The following CMTM8 variants were observed in gnomAD, a reference collection of about 807,000 sequenced individuals.
CMTM8 encodes the protein CKLF-like MARVEL transmembrane domain-containing protein 8.
In CMTM8, 12 loss-of-function variants were observed where a neutral mutation model predicts 18.6. The ratio of observed to expected loss-of-function variants is 0.65; its 90% CI spans 0.41 to 1.05. CMTM8 has a LOEUF of 1.05. CMTM8 is among the 50% of genes least tolerant of loss of function. The pLI is 0.00. For synonymous variants in CMTM8, 87 were observed against 90.6 expected (o/e 0.96, Z 0.23); for missense variants, 217 against 227.2 (o/e 0.95, Z 0.29).
chr3:32,311,009 T>C (rs1695809701), intron 1 of CMTM8, among the ~76,000 whole-genome samples: 1 of 152,208 alleles, frequency 6.6e-6, no homozygotes, highest in African/African-American at 2.4e-5. Context: ...TAGCCAACAA[T>C]ACTGCACAGC....
intron 1 of CMTM8, among the ~76,000 whole-genome samples, chr3:32,260,882 T>A (rs1414035123): frequency 3.3e-5 from 5 of 152,176 alleles, no homozygotes; most frequent in Non-Finnish European, 5.9e-5. Context: ...TCTCAGGTTA[T>A]GTCTTAGTAT....
At chr3:32,315,198 C>T in intron 1 of CMTM8, among the ~76,000 whole-genome samples, 1 of 151,334 alleles carries the variant, frequency 6.6e-6, no homozygotes, top group South Asian at 2.1e-4. Flanking sequence ...GGCACGATCT[C>T]AGCTCACCGC....
At chr3:32,351,668 C>T (rs1205515535) in intron 1 of CMTM8, among the ~76,000 whole-genome samples, 1 of 151,220 alleles carries the variant, frequency 6.6e-6, no homozygotes, top group East Asian at 2.0e-4. Flanking sequence ...CTCTTGATCA[C>T]ACCACTGCAC....
chr3:32,282,880 A>G (rs541977680), intron 1 of CMTM8, among the ~76,000 whole-genome samples: 43 of 152,294 alleles, frequency 2.8e-4, no homozygotes, highest in African/African-American at 9.4e-4. Context: ...CTCCCTGCCT[A>G]GAACCCACTT....
At position 32,264,518 on chromosome 3, in the gene CMTM8, C is replaced by T. The variant is rs147908602; in HGVS notation, c.147+25399C>T. The stretch of plus-strand genomic sequence containing the variant: ...AAACATGCCAAATTGTAAAGACCAT[C>T]GAGGCTAGGAAGAAACTGCATCAAG... On this transcript the variant is annotated intron_variant, in intron 1 of 3. Transcript: ENST00000307526. Among the ~76,000 whole-genome samples the T allele has an allele frequency of 6.0e-3, 906 of 152,230 alleles. 3 individuals are homozygous for T. Among genetic ancestry groups the T allele is most frequent in the African/African-American group, 0.021 (862 of 41,528 alleles).
intron 1 of CMTM8, among the ~76,000 whole-genome samples, chr3:32,343,611 A>C (rs1696540397): frequency 6.6e-6 from 1 of 152,142 alleles, no homozygotes; most frequent in Non-Finnish European, 1.5e-5. Flanking sequence ...GATTTATTAC[A>C]GCTTATAATT....
intron 1 of CMTM8, among the ~76,000 whole-genome samples, chr3:32,352,150 C>A (rs13093365): frequency 7.0e-6 from 1 of 143,224 alleles, no homozygotes; most frequent in Non-Finnish European, 1.5e-5. Context: ...TGCACTCCAG[C>A]CTGGGTGATG....
chr3:32,339,840 G>A (rs553542237), intron 1 of CMTM8, among the ~76,000 whole-genome samples: 12 of 152,162 alleles, frequency 7.9e-5, no homozygotes, highest in Admixed American at 5.2e-4. Flanking sequence ...GCTGGCGCCT[G>A]TAGTCCCAGC....
chr3:32,270,109 A>T (rs1443528833), intron 1 of CMTM8, among the ~76,000 whole-genome samples: 1 of 151,570 alleles, frequency 6.6e-6, no homozygotes, highest in African/African-American at 2.4e-5. Flanking sequence ...TTGTGTGGAG[A>T]TAGGGTCTCA....
At chr3:32,335,686 A>C (rs567088898) in intron 1 of CMTM8, among the ~76,000 whole-genome samples, 2 of 152,262 alleles carry the variant, frequency 1.3e-5, no homozygotes, top group South Asian at 4.2e-4. Context: ...TCCTGGACTG[A>C]TCATTATGAT....
At chr3:32,368,765 C>A (rs1419252434) in intron 3 of CMTM8, among the ~76,000 whole-genome samples, 2 of 151,940 alleles carry the variant, frequency 1.3e-5, no homozygotes, top group Non-Finnish European at 2.9e-5. Flanking sequence ...CCTGACCTTA[C>A]TTTTTAATTT....
Position 32,357,453 on chromosome 3 carries a change from A to G in CMTM8, c.228A>G (p.Val76=). Reference sequence around the variant, plus strand: ...CCGCATTTGGCTGGGTCATGTTTGTAGCTGTATTTTACTGGGTCCTCACCG... The same window carrying G: ...CCGCATTTGGCTGGGTCATGTTTGTGGCTGTATTTTACTGGGTCCTCACCG... ...RVPAFGWVMF[V]AVFYWVLTVF... is the part of the protein sequence containing the mutation. Residue 76 remains valine, a synonymous_variant, in exon 2 of 4, where the codon GTA becomes GTG. Transcript: ENST00000307526. 1 of 1,613,944 alleles carries G rather than the reference A, an allele frequency of 6.2e-7. No individual in the cohort carries two copies. Among genetic ancestry groups the G allele is most frequent in the Non-Finnish European group, 8.5e-7 (1 of 1,180,008 alleles).
chr3:32,286,061 G>A (rs1702675972), intron 1 of CMTM8, among the ~76,000 whole-genome samples: 1 of 152,200 alleles, frequency 6.6e-6, no homozygotes, highest in African/African-American at 2.4e-5. Context: ...CCTTCTGCAA[G>A]CAAACACTCA....
intron 1 of CMTM8, among the ~76,000 whole-genome samples, chr3:32,353,209 G>A (rs1267555801): frequency 6.6e-6 from 1 of 152,170 alleles, no homozygotes; most frequent in Non-Finnish European, 1.5e-5. Flanking sequence ...AGCCAGGCTT[G>A]TCTCAAGCTC....
chr3:32,294,713 A>G (rs1299035536), intron 1 of CMTM8, among the ~76,000 whole-genome samples: 1 of 152,162 alleles, frequency 6.6e-6, no homozygotes, highest in African/African-American at 2.4e-5. Context: ...CCTGCCTTCC[A>G]TGTGCCCTTG....
chr3:32,301,431 G>A (rs754856715), intron 1 of CMTM8, among the ~76,000 whole-genome samples: 11 of 152,040 alleles, frequency 7.2e-5, no homozygotes, highest in Non-Finnish European at 1.3e-4. Context: ...TTTCTATCCT[G>A]TTGTTTTTAA....
intron 1 of CMTM8, among the ~76,000 whole-genome samples, chr3:32,258,007 A>G (rs924831432): frequency 6.6e-6 from 1 of 152,122 alleles, no homozygotes; most frequent in African/African-American, 2.4e-5. Context: ...GGAAATCTCA[A>G]ATCTTTATCC....
rs1209739968 is a variant in CMTM8 at position 32,241,448 on chromosome 3, T to C, written c.147+2329T>C. On this transcript the variant is annotated intron_variant, in intron 1 of 3. Coordinates refer to ENST00000307526, the MANE Select transcript of CMTM8 (RefSeq NM_178868.5). ...TTGGTCTTTTCCCAGGCTAATGATATTCGGTAGATATTTTTTCATGATGCT... is the reference window on the plus strand; with the variant it reads ...TTGGTCTTTTCCCAGGCTAATGATACTCGGTAGATATTTTTTCATGATGCT... 2.0e-5 allele frequency among the ~76,000 whole-genome samples: 3 copies of C among 152,218 alleles called. No individual in the cohort carries two copies. The East Asian group carries it at 5.8e-4, about 29-fold the overall frequency.
At chr3:32,274,219 A>G (rs1373180977) in intron 1 of CMTM8, among the ~76,000 whole-genome samples, 2 of 151,658 alleles carry the variant, frequency 1.3e-5, no homozygotes, top group African/African-American at 4.8e-5. Flanking sequence ...CTGAAGTGGG[A>G]GGATTGCTTG....
Sources: allele counts gnomAD v4.1 joint callset (sites outside exome capture counted in the v4.1 genomes callset), GRCh38; gene constraint gnomAD v4.1.1; transcripts MANE v1.5; gene names NCBI Gene and HGNC (gene_info 2026-07-23, HGNC 2026-07-21).